The following HDAC9 variants were observed in gnomAD, a reference collection of about 807,000 sequenced individuals.
HDAC9 encodes histone deacetylase 9, also known as MEF-2 interacting transcription repressor (MITR) protein.
HDAC9 carries 41 observed loss-of-function variants against 139.4 expected under a neutral mutation model. The ratio of observed to expected loss-of-function variants is 0.29; its 90% CI spans 0.23 to 0.38. The LOEUF (loss-of-function observed/expected upper bound fraction) is 0.38, where lower values mean the gene tolerates loss of function less well. Ranked by LOEUF, HDAC9 falls within the 10% of genes least tolerant of loss-of-function variation. The pLI is 1.00. For synonymous variants in HDAC9, 517 were observed against 476.2 expected, an observed-to-expected ratio of 1.09 and a Z score of -1.12; for missense variants, 1,147 against 1,297.0, an observed-to-expected ratio of 0.88 and a Z score of 1.78.
intron 12 of HDAC9, among the ~76,000 whole-genome samples, chr7:18,724,021 C>A (rs1315764488): frequency 6.6e-6 from 1 of 152,124 alleles, no homozygotes; most frequent in African/African-American, 2.4e-5. Context: ...GATCATGTTA[C>A]ACACACACAA....
intron 1 of HDAC9, among the ~76,000 whole-genome samples, chr7:18,363,458 A>G (rs780114607): frequency 1.9e-4 from 29 of 152,160 alleles, no homozygotes; most frequent in Admixed American, 1.2e-3. Flanking sequence ...AAAAAAATAA[A>G]TTTTGGAGAC....
At chr7:18,901,507 T>C (rs1801720573) in intron 22 of HDAC9, among the ~76,000 whole-genome samples, 1 of 152,138 alleles carries the variant, frequency 6.6e-6, no homozygotes, top group Non-Finnish European at 1.5e-5. Flanking sequence ...GCCTGTTTGT[T>C]ATTATTACCA....
intron 24 of HDAC9, among the ~76,000 whole-genome samples, chr7:18,963,441 AATAC>A (rs1434707382): frequency 6.6e-6 from 1 of 152,190 alleles, no homozygotes; most frequent in African/African-American, 2.4e-5. Context: ...CAAATACATA[AATAC>A]ATACATATTT....
rs746140833 is a variant in HDAC9, at chr7:18,496,184, A to G, written c.-41-78A>G. ...GGGCCGGTGCACTGAGCAGTGATGA[A>G]TGTTTCATGTAGCTGAAGTAAGAGT... On this transcript the variant is annotated intron_variant, in intron 1 of 25. Coordinates refer to ENST00000686413, the MANE Select transcript of HDAC9 (RefSeq NM_178425.4). 5 of 1,517,320 alleles carry G rather than the reference A, an allele frequency of 3.3e-6. No individual in the cohort carries two copies. The South Asian group carries it at 5.7e-5, about 17-fold the overall frequency. 94.0% of individuals were successfully genotyped at this position (1,517,320 alleles called of 1,614,324 possible).
At position 18,769,804 on chromosome 7, in the gene HDAC9, C is replaced by T. The variant is rs183059113; in HGVS notation, c.2214+2649C>T. Among the ~76,000 whole-genome samples, 541 of 152,112 alleles carry T rather than the reference C, an allele frequency of 3.6e-3. 2 individuals are homozygous for T. Among genetic ancestry groups the T allele is most frequent in the Admixed American group, 6.9e-3 (106 of 15,268 alleles). ...ATACACAAGATCCCCAGTATGATCC[C>T]GGAAGGCCCCAACTTGGCAGCATGG... On this transcript the variant is annotated intron_variant, in intron 16 of 25. Coordinates refer to ENST00000686413, the MANE Select transcript of HDAC9 (RefSeq NM_178425.4).
At chr7:18,294,657 A>AACATT (rs1342295692) in intron 1 of HDAC9, among the ~76,000 whole-genome samples, 5 of 152,176 alleles carry the variant, frequency 3.3e-5, no homozygotes, top group African/African-American at 1.2e-4. Flanking sequence ...CATGTTATGC[A>AACATT]GCTGCATGTT....
intron 6 of HDAC9, among the ~76,000 whole-genome samples, chr7:18,604,061 C>A (rs537186901): frequency 5.3e-5 from 8 of 151,930 alleles, no homozygotes; most frequent in East Asian, 1.9e-4. Flanking sequence ...TATCTTTTAT[C>A]TTCTGCAATT....
intron 1 of HDAC9, among the ~76,000 whole-genome samples, chr7:18,291,342 G>A (rs1371440960): frequency 6.6e-6 from 1 of 152,026 alleles, no homozygotes; most frequent in Non-Finnish European, 1.5e-5. Flanking sequence ...ACTGTTTGGG[G>A]TCAAATTTGG....
intron 2 of HDAC9, among the ~76,000 whole-genome samples, chr7:18,262,719 CAAA>C (rs1463112135): frequency 1.3e-5 from 2 of 151,912 alleles, no homozygotes; most frequent in Admixed American, 6.6e-5. Context: ...AACAATAACA[CAAA>C]GAAGAGGGTA....
chr7:18,898,162 A>G (rs1223689125), intron 22 of HDAC9, among the ~76,000 whole-genome samples: 1 of 151,894 alleles, frequency 6.6e-6, no homozygotes, highest in Non-Finnish European at 1.5e-5. Flanking sequence ...GTTTTGTTTT[A>G]AAACATTTAT....
At chr7:18,486,714 ATATAATT>A (rs970545013) in intron 1 of HDAC9, among the ~76,000 whole-genome samples, 1 of 152,114 alleles carries the variant, frequency 6.6e-6, no homozygotes, top group Non-Finnish European at 1.5e-5. Context: ...ATAAAGCATA[ATATAATT>A]TATAATCTCC....
At chr7:18,904,821 C>T (rs992562501) in intron 22 of HDAC9, among the ~76,000 whole-genome samples, 1 of 151,982 alleles carries the variant, frequency 6.6e-6, no homozygotes, top group East Asian at 1.9e-4. Flanking sequence ...GTGATCCGCC[C>T]GCCTCGGCCT....
In HDAC9 at chr7:18,162,101, T is replaced by C. The variant is rs192416132; in HGVS notation, c.-96-128T>C. On this transcript the variant is annotated intron_variant, in intron 1 of 12. Transcript: ENST00000417496. ...GACTTAGAGACCTGTAAGGTTGATA[T>C]GACTGCCTCAAAGACACATGGTCGC... 631 of 534,130 alleles carry C rather than the reference T, an allele frequency of 1.2e-3. 2 individuals carry two copies. The highest frequency in any genetic ancestry group is 1.0e-2 in the African/African-American group (521 of 52,352). The allele number at this position is 534,130 out of a possible 1,614,324, so 33.1% of individuals were successfully genotyped here.
intron 1 of HDAC9, among the ~76,000 whole-genome samples, chr7:18,341,125 C>A (rs1781974217): frequency 6.6e-6 from 1 of 151,348 alleles, no homozygotes; most frequent in South Asian, 2.1e-4. Context: ...TGTTTTCCCC[C>A]CTGACTACTT....
intron 12 of HDAC9, among the ~76,000 whole-genome samples, chr7:18,699,767 A>T (rs922376040): frequency 6.6e-6 from 1 of 152,030 alleles, no homozygotes; most frequent in Non-Finnish European, 1.5e-5. Flanking sequence ...CTTGTATTTT[A>T]TATGCATTTT....
chr7:18,491,898 C>G (rs1796397409), upstream of HDAC9, among the ~76,000 whole-genome samples: 1 of 151,892 alleles, frequency 6.6e-6, no homozygotes, highest in Non-Finnish European at 1.5e-5. Flanking sequence ...TGGAAGCACC[C>G]TCACAGACAC....
intron 6 of HDAC9, among the ~76,000 whole-genome samples, chr7:18,617,520 G>A (rs1181365374): frequency 1.3e-5 from 2 of 152,082 alleles, no homozygotes; most frequent in South Asian, 2.1e-4. Context: ...ATCTTTAAAT[G>A]CTCAGATGAT....
At chr7:18,172,081 T>G (rs188416109) in intron 2 of HDAC9, among the ~76,000 whole-genome samples, 3 of 152,346 alleles carry the variant, frequency 2.0e-5, no homozygotes, top group African/African-American at 7.2e-5. Context: ...TTCTGGACTT[T>G]TTTTGGTTGG....
At chr7:18,518,545 T>A (rs1426560773) in intron 2 of HDAC9, among the ~76,000 whole-genome samples, 4 of 152,184 alleles carry the variant, frequency 2.6e-5, no homozygotes, top group Non-Finnish European at 5.9e-5. Flanking sequence ...GGGAGTTTAC[T>A]AGATTTAGAC....
Sources: gnomAD v4.1 joint callset for allele counts (sites outside exome capture counted in the v4.1 genomes callset) on GRCh38, gnomAD v4.1.1 for gene constraint, MANE v1.5 for transcripts, NCBI Gene and HGNC (gene_info 2026-07-23, HGNC 2026-07-21) for gene names.